NALF1: variants seen among roughly 807,000 people sequenced by gnomAD.
NALF1 encodes NALCN channel auxiliary factor 1.
A neutral mutation model predicts 48.4 loss-of-function variants in NALF1; 3 were observed. The observed-to-expected ratio is 0.06, with a 90% CI of 0.03 to 0.16. The LOEUF (loss-of-function observed/expected upper bound fraction) is 0.16. Among genes scored for constraint, NALF1 ranks in the 10% least tolerant of loss-of-function variants. The pLI is 1.00. For synonymous variants in NALF1, 262 were observed against 245.7 expected (o/e 1.07, Z -0.62); for missense variants, 526 against 571.5 (o/e 0.92, Z 0.81).
intron 1 of NALF1, among the ~76,000 whole-genome samples, chr13:107,306,738 T>A (rs1236519657): frequency 6.6e-6 from 1 of 152,064 alleles, no homozygotes; most frequent in African/African-American, 2.4e-5. Flanking sequence ...CTGAGGGAAG[T>A]GGATCGCTTG....
intron 1 of NALF1, among the ~76,000 whole-genome samples, chr13:107,609,679 G>T (rs958725599): frequency 2.0e-5 from 3 of 152,164 alleles, no homozygotes; most frequent in Non-Finnish European, 4.4e-5. Flanking sequence ...AAAGCCTCAT[G>T]AAATCCTCCA....
chr13:107,434,173 A>C (rs535577093), intron 1 of NALF1, among the ~76,000 whole-genome samples: 4 of 152,178 alleles, frequency 2.6e-5, no homozygotes, highest in Non-Finnish European at 5.9e-5. Context: ...GTGGTGTATA[A>C]TCTCTCATTT....
At chr13:107,512,442 G>A (rs977964223) in intron 1 of NALF1, among the ~76,000 whole-genome samples, 1 of 152,246 alleles carries the variant, frequency 6.6e-6, no homozygotes, top group East Asian at 1.9e-4. Flanking sequence ...AGACCTTGAC[G>A]TTGTAAAGTC....
At chr13:107,706,449 T>C (rs1260258371) in intron 1 of NALF1, among the ~76,000 whole-genome samples, 1 of 152,216 alleles carries the variant, frequency 6.6e-6, no homozygotes, top group Admixed American at 6.5e-5. Flanking sequence ...CATGCATTCT[T>C]TTTAAGAAGA....
At chr13:107,260,239 G>C (rs529570955) in intron 1 of NALF1, among the ~76,000 whole-genome samples, 1 of 152,140 alleles carries the variant, frequency 6.6e-6, no homozygotes, top group South Asian at 2.1e-4. Context: ...TGAAGTCATC[G>C]TTAACATTGT....
At chr13:107,317,463 A>T (rs1882172596) in intron 1 of NALF1, among the ~76,000 whole-genome samples, 1 of 152,042 alleles carries the variant, frequency 6.6e-6, no homozygotes, top group Admixed American at 6.6e-5. Flanking sequence ...AACAAATTAG[A>T]GGTTTAAAAA....
intron 1 of NALF1, among the ~76,000 whole-genome samples, chr13:107,450,028 G>A (rs148011964): frequency 1.3e-5 from 2 of 152,154 alleles, no homozygotes; most frequent in African/African-American, 4.8e-5. Context: ...TGGATAAACG[G>A]GTGATATATA....
At chr13:107,258,404 C>T (rs781320769) in intron 1 of NALF1, among the ~76,000 whole-genome samples, 13 of 152,130 alleles carry the variant, frequency 8.5e-5, no homozygotes, top group African/African-American at 2.2e-4. Context: ...TAAAACACAA[C>T]GTTTACATTG....
chr13:107,233,230 A>G (rs1334925303), intron 1 of NALF1, among the ~76,000 whole-genome samples: 2 of 152,258 alleles, frequency 1.3e-5, no homozygotes, highest in African/African-American at 2.4e-5. Flanking sequence ...TTGAACACTC[A>G]TATCAGAAAA....
chr13:107,823,476 G>A (rs140488070), intron 1 of NALF1, among the ~76,000 whole-genome samples: 17 of 152,016 alleles, frequency 1.1e-4, no homozygotes, highest in South Asian at 4.1e-4. Flanking sequence ...TCTTCACCAC[G>A]GCCAAGAACC....
intron 1 of NALF1, among the ~76,000 whole-genome samples, chr13:107,593,185 T>C (rs903919255): frequency 2.0e-5 from 3 of 151,928 alleles, no homozygotes; most frequent in African/African-American, 4.8e-5. Flanking sequence ...CTTAGGACCA[T>C]AAATTTAATC....
At chr13:107,474,508 AG>A (rs1221512606) in intron 1 of NALF1, among the ~76,000 whole-genome samples, 2 of 152,226 alleles carry the variant, frequency 1.3e-5, no homozygotes, top group Non-Finnish European at 2.9e-5. Context: ...AAAATATGCT[AG>A]ATTATTTGAG....
intron 1 of NALF1, among the ~76,000 whole-genome samples, chr13:107,363,100 T>G (rs952039901): frequency 1.3e-5 from 2 of 152,192 alleles, no homozygotes; most frequent in Non-Finnish European, 2.9e-5. Context: ...TTCAAAATCC[T>G]TAAGTCAAGA....
intron 1 of NALF1, among the ~76,000 whole-genome samples, chr13:107,335,452 T>TAAGA (rs1488809819): frequency 2.6e-5 from 4 of 152,348 alleles, no homozygotes; most frequent in African/African-American, 9.6e-5. Flanking sequence ...AAAGCACGTA[T>TAAGA]AAGACTTCCT....
At chr13:107,398,898 A>G (rs1396859458) in intron 1 of NALF1, among the ~76,000 whole-genome samples, 2 of 152,202 alleles carry the variant, frequency 1.3e-5, no homozygotes, top group Non-Finnish European at 2.9e-5. Context: ...GGCCAGGAGC[A>G]TTTCTACATA....
rs562223428 is a variant in NALF1 at position 107,495,842 on chromosome 13, T to C, written c.916-285087A>G. Among the ~76,000 whole-genome samples, 143 of 152,232 alleles carry C rather than the reference T, an allele frequency of 9.4e-4. No homozygotes were observed. The Middle Eastern group carries it at 0.01, about 11-fold the overall frequency. On this transcript the variant is annotated intron_variant, in intron 1 of 2. Coordinates refer to ENST00000375915, the MANE Select transcript of NALF1 (RefSeq NM_001080396.3). ...TCACTAATCTGATGTTCATTGAGGA[T>C]AAGAATAAAGAAAATTACTAGAGTA...
intron 2 of NALF1, among the ~76,000 whole-genome samples, chr13:107,204,994 A>T (rs1879605399): frequency 1.4e-5 from 2 of 147,548 alleles, no homozygotes; most frequent in Non-Finnish European, 3.0e-5. Flanking sequence ...CTCTAATGAG[A>T]ACATCTTTTT....
rs376833688 is a variant in NALF1 at position 107,655,450 on chromosome 13, C to T, written c.915+210232G>A. 3.9e-5 allele frequency among the ~76,000 whole-genome samples: 6 copies of T among 152,080 alleles called. No individual in the cohort carries two copies. In the South Asian group the frequency reaches 1.0e-3, roughly 26 times the overall value. On this transcript the variant is annotated intron_variant, in intron 1 of 2. Transcript: ENST00000375915. ...TAAAGTACTTAGGAATATACCTAAC[C>T]AAGGACGTAAAAGACCTCTACAAGG...
chr13:107,853,746 G>C (rs1880374883), intron 1 of NALF1, among the ~76,000 whole-genome samples: 1 of 152,128 alleles, frequency 6.6e-6, no homozygotes, highest in South Asian at 2.1e-4. Flanking sequence ...ATTTAGAAAT[G>C]AGAAATGTAT....
Sources: allele counts gnomAD v4.1 joint callset (sites outside exome capture counted in the v4.1 genomes callset), GRCh38; gene constraint gnomAD v4.1.1; transcripts MANE v1.5; gene names NCBI Gene and HGNC (gene_info 2026-07-23, HGNC 2026-07-21).